The following PCDHGA11 variants were observed in gnomAD, a reference collection of about 807,000 sequenced individuals.
PCDHGA11 encodes the protein protocadherin gamma-A11.
In PCDHGA11, 39 loss-of-function variants were observed where a neutral mutation model predicts 60.4. The ratio of observed to expected loss-of-function variants is 0.65; its 90% CI spans 0.50 to 0.84. The LOEUF (loss-of-function observed/expected upper bound fraction) is 0.84, where lower values mean the gene tolerates loss of function less well. PCDHGA11 is among the 40% of genes least tolerant of loss of function. The pLI is 0.00. For synonymous variants in PCDHGA11, 533 were observed against 510.3 expected, an observed-to-expected ratio of 1.04 and a Z score of -0.60; for missense variants, 1,165 against 1,197.7, an observed-to-expected ratio of 0.97 and a Z score of 0.40.
chr5:141,421,189 C>G lies in PCDHGA11; in HGVS notation c.-39C>G. ...ATACATAAGCCGATTCACAACCAACCAGCTCGAGAAACCGCGGAATATCGG... is the reference window on the plus strand; with the variant it reads ...ATACATAAGCCGATTCACAACCAACGAGCTCGAGAAACCGCGGAATATCGG... On this transcript the variant is annotated 5_prime_UTR_variant, in exon 1 of 4. Transcript: ENST00000398587. 6.8e-7 allele frequency: 1 copy of G among 1,477,674 alleles called. No individual in the cohort carries two copies. Among genetic ancestry groups the G allele is most frequent in the Non-Finnish European group, 9.0e-7 (1 of 1,107,734 alleles). 91.5% of individuals were successfully genotyped at this position (1,477,674 alleles called of 1,614,324 possible).
Position 141,476,974 on chromosome 5 carries a change from C to G in PCDHGA11, c.2434-17833C>G. 1 of 1,614,268 alleles carries G rather than the reference C, an allele frequency of 6.2e-7. No homozygotes were observed. The highest frequency in any genetic ancestry group is 1.3e-5 in the African/African-American group (1 of 75,080). On this transcript the variant is annotated intron_variant, in intron 1 of 3. Coordinates refer to ENST00000398587, the MANE Select transcript of PCDHGA11 (RefSeq NM_018914.3). This position sits in a 1 kb window ranked among gnomAD's most constrained non-coding sequence, Gnocchi z 7.6. ...AAATTATTTACTCCTTCGGCAGCCA[C>G]AACCGCGCCGGCGTGCGGCAACTAT...
At chr5:141,505,336 G>T in intron 2 of PCDHGA11, 57 bp from the exon 3 acceptor site, 2 of 1,611,372 alleles carry the variant, frequency 1.2e-6, no homozygotes, top group Non-Finnish European at 1.7e-6. Context: ...GAGGACAGGA[G>T]GGGCATGAGC....
chr5:141,476,236 AAG>A lies in PCDHGA11; in HGVS notation c.2434-18565_2434-18564del. ...TCATTCACTATGAGATCCCGGAGGA[AAG>A]AGAGAAGGGTTTCGCTGTGGGCAAC... is the stretch of plus-strand genomic sequence containing the variant. On this transcript the variant is annotated intron_variant, in intron 1 of 3. Transcript: ENST00000398587. The surrounding 1 kb of genome is among the most constrained non-coding windows in gnomAD (Gnocchi z 7.6). 2.5e-6 allele frequency: 4 copies of A among 1,613,980 alleles called. No individual in the cohort carries two copies. Among genetic ancestry groups the A allele is most frequent in the Non-Finnish European group, 3.4e-6 (4 of 1,180,004 alleles).
At chr5:141,465,266 C>G (rs2099099623) in intron 1 of PCDHGA11, among the ~76,000 whole-genome samples, 1 of 152,096 alleles carries the variant, frequency 6.6e-6, no homozygotes, top group South Asian at 2.1e-4. Flanking sequence ...ATGATACTAG[C>G]CATTTAGTTC....
At position 141,477,748 on chromosome 5, in the gene PCDHGA11, C is replaced by T; in HGVS notation, c.2434-17059C>T. ...CAGCTCATATCAGCGATGGGGGCAC[C>T]CCGGTCCTAGCCACCAACATCAGCG... On this transcript the variant is annotated intron_variant, in intron 1 of 3. Transcript: ENST00000398587. The surrounding 1 kb of genome is among the most constrained non-coding windows in gnomAD (Gnocchi z 4.9). 6.2e-7 allele frequency: 1 copy of T among 1,613,872 alleles called. No homozygotes were observed. The highest frequency in any genetic ancestry group is 1.1e-5 in the South Asian group (1 of 91,080).
intron 1 of PCDHGA11, among the ~76,000 whole-genome samples, chr5:141,459,095 G>A (rs61275874): frequency 0.28 from 42,440 of 152,066 alleles, 6,652 homozygotes; most frequent in African/African-American, 0.43. Context: ...ATTATACAGT[G>A]CAATGCATTT....
In PCDHGA11 at chr5:141,422,965, C is replaced by T. The variant is rs2096693602; in HGVS notation, c.1738C>T (p.Pro580Ser). ...TDGSTGVELAPRSAEPGYLVT... is the reference protein window; with the variant it reads ...TDGSTGVELASRSAEPGYLVT... ...CGGCTCCACTGGCGTGGAGCTGGCGCCCCGCTCTGCGGAACCTGGCTACCT... is the reference window on the plus strand; with the variant it reads ...CGGCTCCACTGGCGTGGAGCTGGCGTCCCGCTCTGCGGAACCTGGCTACCT... The change falls in exon 1 of 4, where the codon CCC (proline) becomes TCC (serine). Residue 580 changes from proline (P) to serine (S), a missense_variant. Coordinates refer to ENST00000398587, the MANE Select transcript of PCDHGA11 (RefSeq NM_018914.3). 1.2e-6 allele frequency: 2 copies of T among 1,614,116 alleles called. No homozygotes were observed. Among genetic ancestry groups the T allele is most frequent in the African/African-American group, 2.7e-5 (2 of 74,956 alleles).
Position 141,476,348 on chromosome 5 carries a change from G to C in PCDHGA11, c.2434-18459G>C, listed in dbSNP as rs764669470. Reference sequence around the variant, plus strand: ...GTCTGGAGCTAGCCGAAGATTCTTTGAGGTGAACCGGGAGACCGGAGAGAT... The same window carrying C: ...GTCTGGAGCTAGCCGAAGATTCTTTCAGGTGAACCGGGAGACCGGAGAGAT... On this transcript the variant is annotated intron_variant, in intron 1 of 3. Transcript: ENST00000398587. The surrounding 1 kb of genome is among the most constrained non-coding windows in gnomAD (Gnocchi z 7.6). 2 of 1,614,190 alleles carry C rather than the reference G, an allele frequency of 1.2e-6. No individual in the cohort carries two copies. The highest frequency in any genetic ancestry group is 2.2e-5 in the South Asian group (2 of 91,078).
chr5:141,458,540 TTTTG>T (rs754668779), intron 1 of PCDHGA11, among the ~76,000 whole-genome samples: 43 of 150,468 alleles, frequency 2.9e-4, no homozygotes, highest in East Asian at 1.7e-3. Context: ...ATCAACTTTA[TTTTG>T]TTTGTTTGTT....
chr5:141,462,983 T>C (rs530985795), intron 1 of PCDHGA11, among the ~76,000 whole-genome samples: 278 of 152,304 alleles, frequency 1.8e-3, no homozygotes, highest in Non-Finnish European at 3.4e-3. Flanking sequence ...AACTTTTGCC[T>C]TGGGCTAATT....
intron 2 of PCDHGA11, among the ~76,000 whole-genome samples, chr5:141,497,487 T>TCTCTCTCTC (rs1223198472): frequency 1.3e-5 from 2 of 151,562 alleles, no homozygotes; most frequent in Non-Finnish European, 2.9e-5. Flanking sequence ...GCGGAACCTC[T>TCTCTCTCTC]CTCTCTCTCC....
intron 1 of PCDHGA11, among the ~76,000 whole-genome samples, chr5:141,471,999 T>C (rs577046645): frequency 3.9e-5 from 6 of 152,230 alleles, no homozygotes; most frequent in Admixed American, 2.0e-4. Flanking sequence ...AATCCCTGCA[T>C]CGTATAGGGG....
Position 141,489,898 on chromosome 5 carries a change from C to T in PCDHGA11, c.2434-4909C>T. On this transcript the variant is annotated intron_variant, in intron 1 of 3. Transcript: ENST00000398587. The surrounding 1 kb of genome is among the most constrained non-coding windows in gnomAD (Gnocchi z 4.5). ...GCTTACTGCTGTGGATGGGGGGACC[C>T]CAGCCCGCTCAGGGACCACCCTTAT... 6.2e-7 allele frequency: 1 copy of T among 1,614,216 alleles called. No homozygotes were observed. Among genetic ancestry groups the T allele is most frequent in the Non-Finnish European group, 8.5e-7 (1 of 1,180,036 alleles).
At chr5:141,428,400 G>C (rs373595231) in intron 1 of PCDHGA11, 4 of 483,290 alleles carry the variant, frequency 8.3e-6, no homozygotes, top group African/African-American at 2.0e-5. Flanking sequence ...CCTCTGCCTG[G>C]GGTTGCTTTC....
chr5:141,426,722 T>G (rs1022367359), intron 1 of PCDHGA11: 1 of 447,734 alleles, frequency 2.2e-6, no homozygotes, highest in Non-Finnish European at 4.6e-6. Context: ...AACTAGCAAT[T>G]CCAGGCATTC....
In PCDHGA11 at chr5:141,423,123, A is replaced by C; in HGVS notation, c.1896A>C (p.Ala632=). 1 of 1,613,760 alleles carries C rather than the reference A, an allele frequency of 6.2e-7. No individual in the cohort carries two copies. Residue 632 remains alanine, a synonymous_variant, in exon 1 of 4, where the codon GCA becomes GCC. Transcript: ENST00000398587. ...EHTGEVRTAR[A]LLDRDALKQS... ...CGGGCGAGGTGCGTACAGCGCGGGC[A>C]CTGCTGGACAGAGACGCGCTCAAGC... is the stretch of plus-strand genomic sequence containing the variant.
At chr5:141,473,098 A>G (rs564554159) in intron 1 of PCDHGA11, among the ~76,000 whole-genome samples, 6 of 152,300 alleles carry the variant, frequency 3.9e-5, no homozygotes, top group South Asian at 4.1e-4. Context: ...TGTGAGTTGT[A>G]TTACCACACT....
chr5:141,495,726 C>T (rs2099763293), intron 2 of PCDHGA11, among the ~76,000 whole-genome samples: 1 of 152,070 alleles, frequency 6.6e-6, no homozygotes, highest in Non-Finnish European at 1.5e-5. Flanking sequence ...ACACGGGACC[C>T]TTAGTCTCTT....
intron 1 of PCDHGA11, chr5:141,428,734 A>G (rs922346225): frequency 1.9e-5 from 3 of 158,252 alleles, no homozygotes; most frequent in Non-Finnish European, 2.8e-5. Context: ...TAAACATATT[A>G]TATCTACTAT....
Sources: allele counts gnomAD v4.1 joint callset (sites outside exome capture counted in the v4.1 genomes callset), GRCh38; gene constraint gnomAD v4.1.1; non-coding constraint Gnocchi (gnomAD v3.1); transcripts MANE v1.5; gene names NCBI Gene and HGNC (gene_info 2026-07-23, HGNC 2026-07-21).